SPEF2: variants seen among roughly 807,000 people sequenced by gnomAD.
The protein encoded by SPEF2 is sperm flagellar and cilia associated 2, also known as sperm flagella and cilia-associated protein 2.
In SPEF2, 187 loss-of-function variants were observed where a neutral mutation model predicts 224.6. The ratio of observed to expected loss-of-function variants is 0.83; its 90% CI spans 0.74 to 0.94. SPEF2 has a LOEUF of 0.94. SPEF2 is among the 40% of genes least tolerant of loss of function. SPEF2 has a pLI of 0.00. For synonymous variants in SPEF2, 715 were observed against 707.3 expected, an observed-to-expected ratio of 1.01 and a Z score of -0.17; for missense variants, 2,170 against 2,135.6, an observed-to-expected ratio of 1.02 and a Z score of -0.32.
intron 4 of SPEF2, among the ~76,000 whole-genome samples, chr5:35,645,939 G>A (rs1747310732): frequency 6.6e-6 from 1 of 152,022 alleles, no homozygotes; most frequent in African/African-American, 2.4e-5. Flanking sequence ...TTGGACATGA[G>A]AGCTAATGAT....
chr5:35,652,737 T>C (rs1009743462), intron 6 of SPEF2, among the ~76,000 whole-genome samples: 7 of 152,206 alleles, frequency 4.6e-5, no homozygotes, highest in African/African-American at 1.4e-4. Flanking sequence ...CTCCAAATTA[T>C]GACCTATACT....
intron 34 of SPEF2, among the ~76,000 whole-genome samples, chr5:35,803,633 ACT>A (rs1385066727): frequency 6.6e-6 from 1 of 151,906 alleles, no homozygotes; most frequent in Non-Finnish European, 1.5e-5. Flanking sequence ...TCCTCATCCC[ACT>A]GTCTCCAACT....
chr5:35,782,553 A>G (rs1347995363), intron 30 of SPEF2, among the ~76,000 whole-genome samples: 1 of 152,168 alleles, frequency 6.6e-6, no homozygotes, highest in African/African-American at 2.4e-5. Flanking sequence ...CACTGATGTT[A>G]CTAAATTACA....
chr5:35,800,592 A>C (rs535430433), intron 34 of SPEF2, among the ~76,000 whole-genome samples: 35 of 152,354 alleles, frequency 2.3e-4, no homozygotes, highest in Non-Finnish European at 3.5e-4. Context: ...CCTGCATTTC[A>C]TATCACCTGT....
Position 35,774,037 on chromosome 5 carries a change from A to G in SPEF2, c.4078+16A>G. On this transcript the variant is annotated intron_variant, in intron 28 of 36. Coordinates refer to ENST00000356031, the MANE Select transcript of SPEF2 (RefSeq NM_024867.4). ...CAATTTGAAGGTAGCGATTGAAACG[A>G]CTAAGATGATGCTTTTCAGTAGAAA... 1 of 1,609,262 alleles carries G rather than the reference A, an allele frequency of 6.2e-7. No individual in the cohort carries two copies. The highest frequency in any genetic ancestry group is 8.5e-7 in the Non-Finnish European group (1 of 1,178,114).
At chr5:35,787,930 C>T (rs1482516223) in intron 30 of SPEF2, 3 of 623,172 alleles carry the variant, frequency 4.8e-6, no homozygotes, top group East Asian at 2.7e-5. Context: ...AGAAGCTTGA[C>T]CATTATCTTC....
chr5:35,660,067 C>A (rs938155066), intron 8 of SPEF2, among the ~76,000 whole-genome samples: 5 of 151,940 alleles, frequency 3.3e-5, no homozygotes, highest in Admixed American at 1.3e-4. Context: ...CATTGTGTCT[C>A]GGCCCTTTTA....
At chr5:35,759,546 A>G in intron 24 of SPEF2, 22 bp from the exon 25 acceptor site, 1 of 1,545,720 alleles carries the variant, frequency 6.5e-7, no homozygotes, top group Non-Finnish European at 8.8e-7. Flanking sequence ...TTGGATATTA[A>G]CATTCACATT....
chr5:35,742,863 G>A (rs1386523771), intron 23 of SPEF2, among the ~76,000 whole-genome samples: 1 of 151,672 alleles, frequency 6.6e-6, no homozygotes, highest in African/African-American at 2.4e-5. Flanking sequence ...GATAAATAAG[G>A]AAATTTCCTT....
At chr5:35,647,708 G>T (rs1747590377) in intron 5 of SPEF2, among the ~76,000 whole-genome samples, 1 of 151,976 alleles carries the variant, frequency 6.6e-6, no homozygotes. Context: ...GGTACACATA[G>T]CATATGTATG....
At chr5:35,686,040 T>G (rs1753565490) in intron 10 of SPEF2, among the ~76,000 whole-genome samples, 1 of 152,060 alleles carries the variant, frequency 6.6e-6, no homozygotes, top group African/African-American at 2.4e-5. Flanking sequence ...AAATGGGCAT[T>G]GCTTATGTTT....
intron 10 of SPEF2, among the ~76,000 whole-genome samples, chr5:35,684,538 T>A (rs944196387): frequency 6.6e-6 from 1 of 152,210 alleles, no homozygotes; most frequent in Non-Finnish European, 1.5e-5. Flanking sequence ...GCCTTTCAGA[T>A]TGGAGTGCAG....
intron 20 of SPEF2, among the ~76,000 whole-genome samples, chr5:35,716,910 T>C (rs936540342): frequency 1.9e-4 from 29 of 152,194 alleles, no homozygotes; most frequent in Non-Finnish European, 1.5e-4. Context: ...ATTTATATTC[T>C]TCTCTGCATA....
chr5:35,793,727 AACACACACACACACACAC>A (rs374573342), intron 32 of SPEF2, among the ~76,000 whole-genome samples: 2 of 100,798 alleles, frequency 2.0e-5, no homozygotes, highest in African/African-American at 6.2e-5. Context: ...CAGTGGTTAA[AACACACACACACACACAC>A]ACACACACAC....
intron 24 of SPEF2, among the ~76,000 whole-genome samples, chr5:35,757,595 TTA>T (rs1750639108): frequency 6.6e-6 from 1 of 152,178 alleles, no homozygotes; most frequent in African/African-American, 2.4e-5. Flanking sequence ...CTGCAAGTTC[TTA>T]TAAGTATAAT....
chr5:35,730,405 A>G (rs887840942), intron 21 of SPEF2, among the ~76,000 whole-genome samples: 1 of 152,168 alleles, frequency 6.6e-6, no homozygotes, highest in African/African-American at 2.4e-5. Flanking sequence ...TAGTGCCCTC[A>G]CTCACATTCA....
chr5:35,682,357 T>C (rs768383863), intron 10 of SPEF2, among the ~76,000 whole-genome samples: 5 of 147,534 alleles, frequency 3.4e-5, no homozygotes, highest in Non-Finnish European at 7.4e-5. Flanking sequence ...TAAAAAAAGA[T>C]TGCATTTCAG....
At chr5:35,707,989 A>G (rs1740151568) in intron 18 of SPEF2, among the ~76,000 whole-genome samples, 1 of 152,076 alleles carries the variant, frequency 6.6e-6, no homozygotes, top group Admixed American at 6.6e-5. Context: ...TATTCATCAT[A>G]TTTATGGTTT....
Position 35,670,180 on chromosome 5 carries a change from C to A in SPEF2, c.1477C>A (p.Leu493Met), listed in dbSNP as rs779453440. ...ANPSREQLTE[L>M]EKRDLLDTND... ...CCCCTCAAGAGAACAACTTACAGAA[C>A]TGGAGAAAAGGGACTTGCTAGATAC... is the stretch of plus-strand genomic sequence containing the variant. The change falls in exon 10 of 37, where the codon CTG becomes ATG. Residue 493 changes from leucine to methionine, a missense_variant. Transcript: ENST00000356031. 6.2e-7 allele frequency: 1 copy of A among 1,611,864 alleles called. No individual in the cohort carries two copies. The highest frequency in any genetic ancestry group is 1.7e-5 in the Admixed American group (1 of 59,842).
Sources: allele counts gnomAD v4.1 joint callset (sites outside exome capture counted in the v4.1 genomes callset), GRCh38; gene constraint gnomAD v4.1.1; transcripts MANE v1.5; gene names NCBI Gene and HGNC (gene_info 2026-07-23, HGNC 2026-07-21).